NRDC: variants seen among roughly 807,000 people sequenced by gnomAD.
The protein encoded by NRDC is nardilysin.
NRDC carries 54 observed loss-of-function variants against 147.1 expected under a neutral mutation model. That is an observed-to-expected ratio of 0.37 (90% CI 0.29 to 0.46). The LOEUF is 0.46. NRDC is among the 20% of genes least tolerant of loss of function. The probability of loss-of-function intolerance (pLI) is 1.00; values close to 1 mark genes in which losing one functional copy is unlikely to be tolerated. For missense variants in NRDC, 1,082 were observed against 1,370.6 expected (o/e 0.79, Z 3.33); for synonymous variants, 440 against 482.1 (o/e 0.91, Z 1.14).
At chr1:51,823,166 T>C (rs984270537) in intron 7 of NRDC, among the ~76,000 whole-genome samples, 1 of 152,186 alleles carries the variant, frequency 6.6e-6, no homozygotes, top group Non-Finnish European at 1.5e-5. Flanking sequence ...TTTAAGATAG[T>C]TCTGCCATAG....
chr1:51,809,400 A>G lies in NRDC; in HGVS notation c.1905T>C (p.Asp635=), dbSNP rs1488185251. Residue 635 remains aspartate, a splice_region_variant and synonymous_variant, in exon 17 of 31, where the codon GAT becomes GAC. Coordinates refer to ENST00000352171, the MANE Select transcript of NRDC (RefSeq NM_001101662.2). ...KWFGTQYSIE[D]IENSWAELWN... Reference sequence around the variant, plus strand: ...ACAGTTCAGCCCAAGAGTTTTCAATATCTGTAAAGGAGAAAAATAAACTGA... The same window carrying G: ...ACAGTTCAGCCCAAGAGTTTTCAATGTCTGTAAAGGAGAAAAATAAACTGA... 8 of 1,602,702 alleles carry G rather than the reference A, an allele frequency of 5.0e-6. No individual in the cohort carries two copies. The highest frequency in any genetic ancestry group is 6.8e-6 in the Non-Finnish European group (8 of 1,169,704).
chr1:51,821,359 T>C (rs1238937728), intron 8 of NRDC, 139 bp downstream of exon 8: 2 of 532,844 alleles, frequency 3.8e-6, no homozygotes, highest in East Asian at 3.1e-5. Flanking sequence ...CTGTGTGATC[T>C]TGACAGTCAT....
Position 51,789,557 on chromosome 1 carries a change from A to AACAT in NRDC, c.3258+7_3258+10dup. The AACAT allele has an allele frequency of 2.5e-6, 4 of 1,609,388 alleles. No homozygotes were observed. Among genetic ancestry groups the AACAT allele is most frequent in the Non-Finnish European group, 1.7e-6 (2 of 1,175,686 alleles). Reference sequence around the variant, plus strand: ...ACCCTAGAATGGATGGAGTTAGTTAAACATACTCACATGAACGCTGAGCAT... The same window carrying AACAT: ...ACCCTAGAATGGATGGAGTTAGTTAAACATACATACTCACATGAACGCTGAGCAT... On this transcript the variant is annotated intron_variant, in intron 30 of 30. Transcript: ENST00000352171.
chr1:51,845,646 T>G (rs936602828), intron 1 of NRDC, among the ~76,000 whole-genome samples: 2 of 152,232 alleles, frequency 1.3e-5, no homozygotes, highest in Admixed American at 1.3e-4. Context: ...ATGCCTTCTC[T>G]GACCACACTA....
At chr1:51,800,862 G>A in intron 20 of NRDC, 179 bp from the exon 21 acceptor site, 1 of 603,578 alleles carries the variant, frequency 1.7e-6, no homozygotes, top group Non-Finnish European at 2.9e-6. Flanking sequence ...GTTACCTGGA[G>A]ACAGGATATC....
chr1:51,795,322 T>G lies in NRDC; in HGVS notation c.2605-468A>C. On this transcript the variant is annotated intron_variant, in intron 22 of 30. Coordinates refer to ENST00000352171, the MANE Select transcript of NRDC (RefSeq NM_001101662.2). ...AGGGATAAATGGAGGGATTAGCTCT[T>G]CTCTAAAGTGATTTCTACTGGAGGA... 3.9e-6 allele frequency: 3 copies of G among 762,774 alleles called. No individual in the cohort carries two copies. The South Asian group carries it at 5.1e-5, about 13-fold the overall frequency. 47.3% of individuals were successfully genotyped at this position (762,774 alleles called of 1,614,324 possible). A position where few individuals can be genotyped will look rare whatever the true frequency, so the allele number is the denominator to read the frequency against.
chr1:51,844,918 C>T (rs1681477589), intron 1 of NRDC, among the ~76,000 whole-genome samples: 1 of 151,738 alleles, frequency 6.6e-6, no homozygotes, highest in South Asian at 2.1e-4. Flanking sequence ...TGATCTTGAA[C>T]TTCTAGACCC....
At chr1:51,873,930 T>C (rs1415308608) in intron 1 of NRDC, among the ~76,000 whole-genome samples, 1 of 151,850 alleles carries the variant, frequency 6.6e-6, no homozygotes, top group African/African-American at 2.4e-5. Context: ...AGCTCACACC[T>C]GTAATCCCAG....
At chr1:51,825,934 G>A (rs927512959) in intron 5 of NRDC, among the ~76,000 whole-genome samples, 2 of 152,212 alleles carry the variant, frequency 1.3e-5, no homozygotes, top group African/African-American at 2.4e-5. Flanking sequence ...GAAATGATTA[G>A]GTAATGAGGG....
chr1:51,848,912 T>C (rs763276094), intron 1 of NRDC, among the ~76,000 whole-genome samples: 1 of 152,186 alleles, frequency 6.6e-6, no homozygotes, highest in Non-Finnish European at 1.5e-5. Flanking sequence ...CTAAGTAGCA[T>C]GACACTAGAA....
chr1:51,831,387 T>C (rs12123333), intron 4 of NRDC, among the ~76,000 whole-genome samples: 1 of 152,100 alleles, frequency 6.6e-6, no homozygotes, highest in Admixed American at 6.5e-5. Context: ...CTGCTTAAGA[T>C]TTCTTCACAC....
intron 20 of NRDC, 135 bp from the exon 21 acceptor site, chr1:51,800,818 T>G: frequency 1.3e-6 from 1 of 792,568 alleles, no homozygotes; most frequent in Non-Finnish European, 2.0e-6. Flanking sequence ...AGAAAATTAC[T>G]AACAACTCAA....
At chr1:51,861,280 T>C (rs1325930267) in intron 1 of NRDC, among the ~76,000 whole-genome samples, 6 of 149,336 alleles carry the variant, frequency 4.0e-5, no homozygotes, top group African/African-American at 1.2e-4. Context: ...TTTTTTTTTT[T>C]TTTTGAGACA....
intron 20 of NRDC, 25 bp from the exon 21 acceptor site, chr1:51,800,708 T>C: frequency 6.2e-7 from 1 of 1,608,078 alleles, no homozygotes. Flanking sequence ...AGGAAGCATT[T>C]TAAGAAGCAT....
At chr1:51,802,584 T>C (rs1679261108) in intron 20 of NRDC, among the ~76,000 whole-genome samples, 1 of 152,184 alleles carries the variant, frequency 6.6e-6, no homozygotes, top group South Asian at 2.1e-4. Context: ...AGTAAAATTA[T>C]TCTTGGCTTG....
At chr1:51,795,187 C>G in intron 22 of NRDC, 3 of 1,340,504 alleles carry the variant, frequency 2.2e-6, no homozygotes, top group Non-Finnish European at 2.9e-6. Context: ...GTTTCAGAAT[C>G]CTGGGCCCAT....
In NRDC at chr1:51,818,074, T is replaced by C. The variant is rs148275717; in HGVS notation, c.1353A>G (p.Gln451=). The C allele has an allele frequency of 3.1e-6, 5 of 1,606,022 alleles. No individual in the cohort carries two copies. The African/African-American group carries it at 6.7e-5, about 22-fold the overall frequency. Residue 451 remains glutamine, a synonymous_variant, in exon 10 of 31, where the codon CAA becomes CAG. Coordinates refer to ENST00000352171, the MANE Select transcript of NRDC (RefSeq NM_001101662.2). ...TTCCCTTAAACTCTTACCTGTAATG[T>C]TGCTGTTGAGGAGGAAGTGCCCATG... is the stretch of plus-strand genomic sequence containing the variant. The part of the protein sequence containing the change: ...TITWALPPQQ[Q]HYRVKPLHYI...
intron 1 of NRDC, among the ~76,000 whole-genome samples, chr1:51,846,513 GGTGA>G (rs1681604802): frequency 1.3e-5 from 2 of 152,376 alleles, no homozygotes; most frequent in South Asian, 2.1e-4. Flanking sequence ...GGAGCCCCGC[GGTGA>G]GTGTTACAGT....
intron 2 of NRDC, among the ~76,000 whole-genome samples, chr1:51,837,162 C>T (rs192593655): frequency 3.7e-4 from 56 of 152,126 alleles, no homozygotes; most frequent in Admixed American, 9.2e-4. Flanking sequence ...GATAGAAAGG[C>T]GAATTATTAA....
Sources: allele counts gnomAD v4.1 joint callset (sites outside exome capture counted in the v4.1 genomes callset), GRCh38; gene constraint gnomAD v4.1.1; transcripts MANE v1.5; gene names NCBI Gene and HGNC (gene_info 2026-07-23, HGNC 2026-07-21).